NAA16: variants seen among roughly 807,000 people sequenced by gnomAD.
NAA16 encodes N-alpha-acetyltransferase 16, NatA auxiliary subunit, also known as NARG1-like protein.
A neutral mutation model predicts 110.3 loss-of-function variants in NAA16; 97 were observed. The ratio of observed to expected loss-of-function variants is 0.88; its 90% CI spans 0.75 to 1.04. The LOEUF (loss-of-function observed/expected upper bound fraction) is 1.04, where lower values mean the gene tolerates loss of function less well. Among genes scored for constraint, NAA16 ranks in the 50% least tolerant of loss-of-function variants. The pLI is 0.00. For synonymous variants in NAA16, 372 were observed against 330.6 expected (o/e 1.13, Z -1.36); for missense variants, 1,017 against 1,005.1 (o/e 1.01, Z -0.16).
chr13:41,359,051 C>A, intron 12 of NAA16, 89 bp downstream of exon 12: 1 of 1,130,386 alleles, frequency 8.8e-7, no homozygotes, highest in Non-Finnish European at 1.2e-6. Context: ...TGAAGAACTT[C>A]AGTGGAAGTT....
intron 9 of NAA16, among the ~76,000 whole-genome samples, chr13:41,345,117 C>G (rs2042647167): frequency 6.6e-6 from 1 of 152,090 alleles, no homozygotes; most frequent in South Asian, 2.1e-4. Flanking sequence ...TTGTTTCTAC[C>G]TTTTGGTTAT....
At chr13:41,359,238 C>G (rs2043061747) in intron 12 of NAA16, among the ~76,000 whole-genome samples, 1 of 152,164 alleles carries the variant, frequency 6.6e-6, no homozygotes, top group Non-Finnish European at 1.5e-5. Context: ...TACTTTAGCA[C>G]TTACGTGTAA....
chr13:41,311,612 C>T (rs777631217), intron 1 of NAA16, 30 bp downstream of exon 1: 2 of 1,591,698 alleles, frequency 1.3e-6, no homozygotes. Context: ...GCTGCCGCCC[C>T]CCGGTCCCCG....
At chr13:41,341,080 T>G (rs116927852) in intron 9 of NAA16, among the ~76,000 whole-genome samples, 1 of 152,230 alleles carries the variant, frequency 6.6e-6, no homozygotes, top group Non-Finnish European at 1.5e-5. Context: ...CTTCCAGTTA[T>G]GCGGTCAATT....
chr13:41,339,656 CA>C (rs2042482651), intron 9 of NAA16, among the ~76,000 whole-genome samples: 1 of 152,164 alleles, frequency 6.6e-6, no homozygotes, highest in South Asian at 2.1e-4. Context: ...CTTCCGGGTT[CA>C]AACGATTCTC....
chr13:41,362,695 G>A (rs996998679), intron 13 of NAA16: 2 of 1,289,356 alleles, frequency 1.6e-6, no homozygotes, highest in Non-Finnish European at 2.0e-6. Context: ...TCCTTTGTGT[G>A]AATTTTTGTT....
chr13:41,353,160 G>A (rs927536649), intron 9 of NAA16, among the ~76,000 whole-genome samples: 1 of 137,938 alleles, frequency 7.2e-6, no homozygotes. Flanking sequence ...CCCTAGAGAT[G>A]CATAAACGTC....
At chr13:41,331,699 TTAGA>T (rs1460490424) in intron 8 of NAA16, among the ~76,000 whole-genome samples, 17 of 151,882 alleles carry the variant, frequency 1.1e-4, no homozygotes, top group South Asian at 6.2e-4. Flanking sequence ...AAACATACAG[TTAGA>T]TAGAAGGAAT....
chr13:41,324,668 C>A (rs1227995554), intron 5 of NAA16, among the ~76,000 whole-genome samples: 1 of 151,392 alleles, frequency 6.6e-6, no homozygotes, highest in Non-Finnish European at 1.5e-5. Context: ...GCCACCGTGC[C>A]CGGCCAATTT....
intron 9 of NAA16, among the ~76,000 whole-genome samples, chr13:41,341,054 G>T (rs1157144812): frequency 6.6e-6 from 1 of 152,156 alleles, no homozygotes; most frequent in African/African-American, 2.4e-5. Context: ...TTTACGAAAT[G>T]CTGAAGAGTG....
intron 8 of NAA16, among the ~76,000 whole-genome samples, chr13:41,336,141 A>G (rs1284817955): frequency 6.6e-6 from 1 of 151,896 alleles, no homozygotes; most frequent in African/African-American, 2.4e-5. Context: ...GGTCTCACTC[A>G]CTGAGATGTT....
At position 41,311,484 on chromosome 13, in the gene NAA16, G is replaced by T; in HGVS notation, c.-45G>T. The T allele has an allele frequency of 6.4e-7, 1 of 1,560,196 alleles. No individual in the cohort carries two copies. The highest frequency in any genetic ancestry group is 1.2e-5 in the South Asian group (1 of 85,208). ...CACCCCCGCGAAGCGGAGCGCCCGG[G>T]CACCTAGCCTCCCTGCCGGCCACCT... On this transcript the variant is annotated 5_prime_UTR_variant, in exon 1 of 20. Transcript: ENST00000379406.
chr13:41,311,896 G>T (rs1279122258), intron 1 of NAA16, among the ~76,000 whole-genome samples: 1 of 152,250 alleles, frequency 6.6e-6, no homozygotes, highest in Non-Finnish European at 1.5e-5. Context: ...TGGCTGCCGT[G>T]CTCTCTGCCG....
At chr13:41,313,017 A>G (rs1818880500) in intron 1 of NAA16, among the ~76,000 whole-genome samples, 1 of 152,032 alleles carries the variant, frequency 6.6e-6, no homozygotes, top group South Asian at 2.1e-4. Flanking sequence ...TGAAACATTA[A>G]TGATAATATC....
chr13:41,364,502 C>T (rs537827898), intron 13 of NAA16, among the ~76,000 whole-genome samples: 1 of 152,070 alleles, frequency 6.6e-6, no homozygotes, highest in Admixed American at 6.6e-5. Context: ...CAACCTTCTT[C>T]AAAATATTAG....
chr13:41,312,435 T>C (rs1241657641), intron 1 of NAA16, among the ~76,000 whole-genome samples: 1 of 152,110 alleles, frequency 6.6e-6, no homozygotes, highest in East Asian at 1.9e-4. Context: ...GCTTTCCAGG[T>C]TCTGTTCTTC....
rs1264562453 is a variant in NAA16 at position 41,368,846 on chromosome 13, G to T, written c.1754-244G>T. Among the ~76,000 whole-genome samples the T allele has an allele frequency of 3.3e-5, 5 of 152,094 alleles. No individual in the cohort carries two copies. The East Asian group carries it at 9.6e-4, about 29-fold the overall frequency. On this transcript the variant is annotated intron_variant, in intron 14 of 19. Transcript: ENST00000379406. ...TCATTATATGCAACTTAAAGCAAAA[G>T]GAAGGTGAAAGATTTAAAGCTGATC...
chr13:41,313,488 A>G (rs1007605851), intron 1 of NAA16, among the ~76,000 whole-genome samples: 1 of 152,252 alleles, frequency 6.6e-6, no homozygotes, highest in Non-Finnish European at 1.5e-5. Context: ...ATTTGGCTAC[A>G]ACAAATTCCA....
At chr13:41,342,418 G>C (rs560849674) in intron 9 of NAA16, among the ~76,000 whole-genome samples, 2 of 152,316 alleles carry the variant, frequency 1.3e-5, no homozygotes, top group South Asian at 4.1e-4. Flanking sequence ...GGTTACAGAC[G>C]TGAACCATCG....
Sources: gnomAD v4.1 joint callset for allele counts (sites outside exome capture counted in the v4.1 genomes callset) on GRCh38, gnomAD v4.1.1 for gene constraint, MANE v1.5 for transcripts, NCBI Gene and HGNC (gene_info 2026-07-23, HGNC 2026-07-21) for gene names.